Variants in AKAP19 observed in about 807,000 individuals in gnomAD.
The protein encoded by AKAP19 is A-kinase anchoring protein 19, also known as small A-kinase anchoring protein.
At chr2:189,942,967 G>A in the AKAP19 span, among the ~76,000 whole-genome samples, 2 of 152,234 alleles carry the variant, frequency 1.3e-5, no homozygotes, top group Non-Finnish European at 2.9e-5. Context: ...GGGAAGCTGA[G>A]CATAAAAGTT....
At chr2:190,050,330 A>T in the AKAP19 span, among the ~76,000 whole-genome samples, 1 of 152,170 alleles carries the variant, frequency 6.6e-6, no homozygotes, top group Non-Finnish European at 1.5e-5. Context: ...TCAGGCTTTC[A>T]GTTTGTTTAC....
chr2:190,121,873 A>AT, the AKAP19 span, among the ~76,000 whole-genome samples: 1 of 152,024 alleles, frequency 6.6e-6, no homozygotes, highest in South Asian at 2.1e-4. Context: ...TACCCATGGG[A>AT]TTTTTTGTTT....
At chr2:189,896,493 G>T in the AKAP19 span, among the ~76,000 whole-genome samples, 2 of 151,960 alleles carry the variant, frequency 1.3e-5, no homozygotes, top group East Asian at 3.9e-4. Flanking sequence ...AATGTTTCCA[G>T]ATTATCTCTT....
the AKAP19 span, among the ~76,000 whole-genome samples, chr2:190,126,843 T>TTC: frequency 1.3e-5 from 2 of 151,648 alleles, no homozygotes; most frequent in East Asian, 1.9e-4. Flanking sequence ...ACTTGTCAAG[T>TTC]TCTCTCTCTC....
At chr2:190,127,628 T>A in the AKAP19 span, among the ~76,000 whole-genome samples, 4 of 152,224 alleles carry the variant, frequency 2.6e-5, 1 homozygote, top group African/African-American at 7.2e-5. Context: ...AGAACATGAA[T>A]AATGTGTTAA....
the AKAP19 span, among the ~76,000 whole-genome samples, chr2:190,065,975 T>C: frequency 0.069 from 10,465 of 152,190 alleles, 873 homozygotes; most frequent in African/African-American, 0.2. Flanking sequence ...GTTCTGGCAG[T>C]TCTTATCACC....
the AKAP19 span, among the ~76,000 whole-genome samples, chr2:190,084,980 C>G: frequency 6.6e-6 from 1 of 152,168 alleles, no homozygotes; most frequent in Non-Finnish European, 1.5e-5. Flanking sequence ...GGCTGTAAAG[C>G]CCATCTTCTA....
the AKAP19 span, among the ~76,000 whole-genome samples, chr2:189,896,021 A>C: frequency 2.6e-5 from 4 of 152,080 alleles, no homozygotes; most frequent in South Asian, 2.1e-4. Context: ...AAAAAAAAAA[A>C]AAAACATACT....
the AKAP19 span, among the ~76,000 whole-genome samples, chr2:190,040,715 G>A: frequency 6.6e-6 from 1 of 152,100 alleles, no homozygotes; most frequent in Non-Finnish European, 1.5e-5. Flanking sequence ...TTAAGGAAGG[G>A]GTTCAGCTTC....
the AKAP19 span, among the ~76,000 whole-genome samples, chr2:190,198,028 C>T: frequency 5.3e-5 from 8 of 152,236 alleles, no homozygotes; most frequent in South Asian, 1.0e-3. Context: ...AAGACAGTCC[C>T]CATCTTCAGT....
the AKAP19 span, among the ~76,000 whole-genome samples, chr2:189,983,947 G>GT: frequency 2.6e-5 from 4 of 152,016 alleles, no homozygotes; most frequent in Non-Finnish European, 4.4e-5. Context: ...AAACCAGCAA[G>GT]TTTTTTTTAG....
At chr2:190,095,080 G>A in the AKAP19 span, among the ~76,000 whole-genome samples, 7 of 152,154 alleles carry the variant, frequency 4.6e-5, no homozygotes, top group South Asian at 2.1e-4. Context: ...AAAATTAGCC[G>A]GGTGTAGTGG....
At chr2:190,091,765 T>A in the AKAP19 span, among the ~76,000 whole-genome samples, 1 of 152,270 alleles carries the variant, frequency 6.6e-6, no homozygotes, top group African/African-American at 2.4e-5. Flanking sequence ...AAAATATAAA[T>A]GTGCTTAAAA....
chr2:190,037,659 G>C, the AKAP19 span, among the ~76,000 whole-genome samples: 1 of 152,204 alleles, frequency 6.6e-6, no homozygotes, highest in Admixed American at 6.5e-5. Flanking sequence ...ATAAGGCTCA[G>C]CTAATACCCA....
the AKAP19 span, among the ~76,000 whole-genome samples, chr2:189,898,527 C>CCT: frequency 1.3e-5 from 2 of 152,088 alleles, no homozygotes; most frequent in Non-Finnish European, 2.9e-5. Context: ...TGCCCACATG[C>CCT]CTCTCTACTC....
the AKAP19 span, among the ~76,000 whole-genome samples, chr2:190,121,892 T>TTTTGTTTG: frequency 2.0e-5 from 3 of 152,186 alleles, no homozygotes; most frequent in African/African-American, 7.2e-5. Flanking sequence ...TTTTGTGTTT[T>TTTTGTTTG]TTTGTTTGTT....
At chr2:190,132,145 A>G in the AKAP19 span, among the ~76,000 whole-genome samples, 1,806 of 152,354 alleles carry the variant, frequency 0.012, 33 homozygotes, top group African/African-American at 0.04. Flanking sequence ...ACATTTATGA[A>G]ATAAATTGAA....
chr2:190,079,978 T>A, the AKAP19 span: 1 of 152,078 alleles, frequency 6.6e-6, no homozygotes, highest in East Asian at 1.9e-4. Flanking sequence ...CAGCTGTTGG[T>A]GACCAGGTGA....
the AKAP19 span, among the ~76,000 whole-genome samples, chr2:190,054,480 A>G: frequency 5.9e-5 from 9 of 152,338 alleles, no homozygotes; most frequent in Non-Finnish European, 7.3e-5. Context: ...AAAAGCCAAA[A>G]TTGACAAATG....
Sources: gnomAD v4.1 joint callset for allele counts (sites outside exome capture counted in the v4.1 genomes callset) on GRCh38, gnomAD v4.1.1 for gene constraint, MANE v1.5 for transcripts, NCBI Gene and HGNC (gene_info 2026-07-23, HGNC 2026-07-21) for gene names.